The following UMAD1 variants were observed in gnomAD, a reference collection of about 807,000 sequenced individuals.
The protein encoded by UMAD1 is UBAP1-MVB12-associated (UMA) domain containing 1.
UMAD1 carries 8 observed loss-of-function variants against 6.1 expected under a neutral mutation model. That is an observed-to-expected ratio of 1.30 (90% confidence interval 0.76 to 2.35). The LOEUF is 2.35. UMAD1 is among the 30% of genes most tolerant of loss of function. UMAD1 has a pLI of 0.00. For missense variants in UMAD1, 130 were observed against 78.4 expected (o/e 1.66, Z -2.49); for synonymous variants, 56 against 31.4 (o/e 1.78, Z -2.61).
chr7:7,652,495 AATGTGAGTAAC>A (rs1288032445), intron 1 of UMAD1, among the ~76,000 whole-genome samples: 2 of 152,352 alleles, frequency 1.3e-5, no homozygotes, highest in African/African-American at 4.8e-5. Flanking sequence ...ACTAGACTAG[AATGTGAGTAAC>A]ATTTTGCATG....
At chr7:7,779,116 C>G (rs903847728) in intron 2 of UMAD1, among the ~76,000 whole-genome samples, 1 of 152,158 alleles carries the variant, frequency 6.6e-6, no homozygotes, top group Admixed American at 6.5e-5. Flanking sequence ...TTCTGTACTT[C>G]ACCTAGGTTT....
At chr7:7,654,910 A>C (rs2115080224) in intron 1 of UMAD1, among the ~76,000 whole-genome samples, 1 of 151,864 alleles carries the variant, frequency 6.6e-6, no homozygotes, top group South Asian at 2.1e-4. Flanking sequence ...CTCAAAAAAA[A>C]AAAAAAAATT....
intron 2 of UMAD1, among the ~76,000 whole-genome samples, chr7:7,769,083 C>T (rs1309695313): frequency 6.6e-6 from 1 of 152,070 alleles, no homozygotes; most frequent in Non-Finnish European, 1.5e-5. Context: ...ACCAGATGTC[C>T]CTTTTCATTC....
intron 2 of UMAD1, among the ~76,000 whole-genome samples, chr7:7,722,076 G>T (rs1038940375): frequency 6.6e-6 from 1 of 151,774 alleles, no homozygotes; most frequent in Non-Finnish European, 1.5e-5. Context: ...TGGCTTCCTT[G>T]CTCCTCAGCC....
intron 3 of UMAD1, among the ~76,000 whole-genome samples, chr7:7,841,171 T>G (rs1181473125): frequency 6.6e-6 from 1 of 152,212 alleles, no homozygotes; most frequent in Admixed American, 6.5e-5. Context: ...CTCCCTTCTC[T>G]GCAAAAGGAG....
intron 2 of UMAD1, among the ~76,000 whole-genome samples, chr7:7,710,989 A>C (rs1257103252): frequency 2.0e-5 from 3 of 152,196 alleles, no homozygotes; most frequent in Non-Finnish European, 4.4e-5. Context: ...GAAATGACCA[A>C]ACTGTACACA....
intron 3 of UMAD1, among the ~76,000 whole-genome samples, chr7:7,810,901 T>C (rs1358420242): frequency 6.6e-6 from 1 of 152,180 alleles, no homozygotes; most frequent in East Asian, 1.9e-4. Flanking sequence ...GAGTACCACA[T>C]CTGACCACAA....
intron 1 of UMAD1, among the ~76,000 whole-genome samples, chr7:7,666,104 A>G (rs1779446690): frequency 6.6e-6 from 1 of 152,192 alleles, no homozygotes; most frequent in African/African-American, 2.4e-5. Context: ...TGGCTGTACC[A>G]TATTACCCTT....
intron 3 of UMAD1, among the ~76,000 whole-genome samples, chr7:7,873,652 A>G (rs1408397209): frequency 6.6e-6 from 1 of 152,180 alleles, no homozygotes; most frequent in Non-Finnish European, 1.5e-5. Context: ...TACTAATTCG[A>G]GGTCATCCAC....
At chr7:7,749,013 A>G (rs1781628960) in intron 2 of UMAD1, among the ~76,000 whole-genome samples, 2 of 152,046 alleles carry the variant, frequency 1.3e-5, no homozygotes, top group East Asian at 1.9e-4. Context: ...CGCCCAGATC[A>G]GTGTGATTGC....
chr7:7,783,799 C>A (rs973890154), intron 2 of UMAD1, among the ~76,000 whole-genome samples: 9 of 152,102 alleles, frequency 5.9e-5, no homozygotes, highest in African/African-American at 1.9e-4. Context: ...CTGTTATACG[C>A]GGTAATGCAG....
chr7:7,770,106 C>T (rs550279039), intron 2 of UMAD1, among the ~76,000 whole-genome samples: 3 of 152,252 alleles, frequency 2.0e-5, no homozygotes, highest in South Asian at 2.1e-4. Flanking sequence ...CTCAGGCAGT[C>T]AGCCCTACTT....
intron 2 of UMAD1, among the ~76,000 whole-genome samples, chr7:7,750,940 G>A (rs987721605): frequency 2.6e-5 from 4 of 152,272 alleles, no homozygotes; most frequent in Non-Finnish European, 5.9e-5. Context: ...TTAATAAGAA[G>A]TAATGACCCC....
chr7:7,670,777 A>C (rs1779586737), intron 1 of UMAD1, among the ~76,000 whole-genome samples: 1 of 152,234 alleles, frequency 6.6e-6, no homozygotes, highest in African/African-American at 2.4e-5. Flanking sequence ...ATAATTGCCA[A>C]AACCACTCCC....
At chr7:7,776,886 G>A (rs535919737) in intron 2 of UMAD1, among the ~76,000 whole-genome samples, 5 of 152,102 alleles carry the variant, frequency 3.3e-5, no homozygotes, top group African/African-American at 9.6e-5. Context: ...ATCTGTCATC[G>A]ATCCACACAG....
intron 1 of UMAD1, among the ~76,000 whole-genome samples, chr7:7,641,861 A>T (rs563706233): frequency 6.6e-6 from 1 of 152,318 alleles, no homozygotes; most frequent in Non-Finnish European, 1.5e-5. Context: ...TTAAGATTGG[A>T]ATCTCATGTA....
chr7:7,719,740 A>T (rs572863762), intron 2 of UMAD1, among the ~76,000 whole-genome samples: 1 of 152,356 alleles, frequency 6.6e-6, no homozygotes, highest in South Asian at 2.1e-4. Flanking sequence ...AGATGAGAAG[A>T]ATAATGTGGA....
chr7:7,758,658 A>G (rs1327337791), intron 2 of UMAD1, among the ~76,000 whole-genome samples: 1 of 152,220 alleles, frequency 6.6e-6, no homozygotes, highest in Non-Finnish European at 1.5e-5. Context: ...TTATTTAAAC[A>G]TTTTATATAA....
At chr7:7,750,909 C>T (rs1380968606) in intron 2 of UMAD1, among the ~76,000 whole-genome samples, 14 of 152,148 alleles carry the variant, frequency 9.2e-5, no homozygotes, top group Non-Finnish European at 1.9e-4. Context: ...ATAGAGATAG[C>T]AAACAGTGTC....
Sources: gnomAD v4.1 joint callset for allele counts (sites outside exome capture counted in the v4.1 genomes callset) on GRCh38, gnomAD v4.1.1 for gene constraint, MANE v1.5 for transcripts, NCBI Gene and HGNC (gene_info 2026-07-23, HGNC 2026-07-21) for gene names.